LAMA1: variants seen among roughly 807,000 people sequenced by gnomAD.
LAMA1 encodes the protein laminin subunit alpha 1, also known as laminin subunit alpha-1.
LAMA1 carries 219 observed loss-of-function variants against 348.7 expected under a neutral mutation model. That is an observed-to-expected ratio of 0.63 (90% CI 0.56 to 0.70). The LOEUF (loss-of-function observed/expected upper bound fraction) is 0.70. Ranked by LOEUF, LAMA1 falls within the 30% of genes least tolerant of loss-of-function variation. LAMA1 has a pLI of 0.00. For synonymous variants in LAMA1, 1,487 were observed against 1,491.0 expected, an observed-to-expected ratio of 1.00 and a Z score of 0.06; for missense variants, 3,744 against 3,888.0, an observed-to-expected ratio of 0.96 and a Z score of 0.99.
chr18:7,099,312 C>T (rs983546808), intron 1 of LAMA1, among the ~76,000 whole-genome samples: 14 of 150,912 alleles, frequency 9.3e-5, no homozygotes, highest in African/African-American at 3.4e-4. Flanking sequence ...TCTCAAGTAC[C>T]CAGGGACACA....
chr18:6,943,216 C>A lies in LAMA1; in HGVS notation c.9031G>T (p.Asp3011Tyr), dbSNP rs761190244. The A allele has an allele frequency of 7.4e-6, 12 of 1,614,074 alleles. No homozygotes were observed. Among genetic ancestry groups the A allele is most frequent in the Non-Finnish European group, 1.0e-5 (12 of 1,180,044 alleles). ...ESPHTQSTSV[D>Y]TNNPIYVGGY... ...CCAACATAAATGGGATTGTTGGTGT[C>A]CACTGAGGTAGACTGGGTGTGTGGA... Residue 3011 changes from aspartate to tyrosine, a missense_variant, in exon 62 of 63, where the codon GAC becomes TAC. By Grantham distance (160) the Asp-to-Tyr change is radical. Around this residue, in one of 3 missense-constraint regions of LAMA1, gnomAD observed 232 missense variants for 264.4 expected, o/e 0.88. Transcript: ENST00000389658.
In LAMA1 at chr18:7,049,136, T is replaced by C; in HGVS notation, c.710A>G (p.Asp237Gly). The change falls in exon 5 of 63, where the codon GAT (aspartate) becomes GGT (glycine). Residue 237 changes from aspartate (D) to glycine (G), a missense_variant. This residue lies in a region of LAMA1 where 1,529 missense variants were observed against 1,689.4 expected (regional missense o/e 0.91). Transcript: ENST00000389658. ...TTCCCGGTGGCTAAGGGTCATGAGA[T>C]CTGCATTGAGCGTTCTAATGCGTTG... The part of the protein sequence containing the change: ...RLQRIRTLNA[D>G]LMTLSHREPK... 1 of 1,614,126 alleles carries C rather than the reference T, an allele frequency of 6.2e-7. No homozygotes were observed. The highest frequency in any genetic ancestry group is 8.5e-7 in the Non-Finnish European group (1 of 1,180,006).
At position 6,960,201 on chromosome 18, in the gene LAMA1, C is replaced by T. The variant is rs149384675; in HGVS notation, c.7627-709G>A. On this transcript the variant is annotated intron_variant, in intron 53 of 62. Coordinates refer to ENST00000389658, the MANE Select transcript of LAMA1 (RefSeq NM_005559.4). Reference sequence around the variant, plus strand: ...CCCAGAAGAACTGAAGACAGGGACTCAAACAAATACTTATCCACATATGTT... The same window carrying T: ...CCCAGAAGAACTGAAGACAGGGACTTAAACAAATACTTATCCACATATGTT... The T allele has an allele frequency of 2.9e-4, 46 of 156,022 alleles. 1 individual carries two copies. In the East Asian group the frequency reaches 8.6e-3, roughly 29 times the overall value. The allele number at this position is 156,022 out of a possible 1,614,324, so 9.7% of individuals were successfully genotyped here.
At chr18:7,079,691 C>T (rs1250813577) in intron 3 of LAMA1, 6 of 459,896 alleles carry the variant, frequency 1.3e-5, no homozygotes, top group Non-Finnish European at 2.4e-5. Flanking sequence ...AACAGCCTGA[C>T]ATGATACCCT....
intron 61 of LAMA1, 61 bp from the exon 62 acceptor site, chr18:6,943,463 G>A: frequency 7.6e-7 from 1 of 1,317,718 alleles, no homozygotes; most frequent in Non-Finnish European, 1.1e-6. Context: ...ATTTGTATAA[G>A]CTCTTGGAGT....
Position 6,977,749 on chromosome 18 carries a change from TG to T in LAMA1, c.6322del (p.Gln2108ArgfsTer35). On this transcript the variant is annotated frameshift_variant, in exon 44 of 63. Transcript: ENST00000389658. LOFTEE classifies it high-confidence loss of function. ...NLSEIKLLIS[Q>X]ARKQAASIKV... ...CACAGAAGCTGCTTGTTTGCGGGCC[TG>T]GCTGATCAACAGTTTAATTTCTGAT... 6.2e-7 allele frequency: 1 copy of T among 1,614,196 alleles called. No individual in the cohort carries two copies. Among genetic ancestry groups the T allele is most frequent in the Non-Finnish European group, 8.5e-7 (1 of 1,180,016 alleles).
intron 16 of LAMA1, among the ~76,000 whole-genome samples, chr18:7,031,736 T>C (rs1200496903): frequency 2.7e-5 from 4 of 147,554 alleles, no homozygotes; most frequent in African/African-American, 1.1e-4. Context: ...ATGCTTTGTA[T>C]TTAATAAGTA....
intron 53 of LAMA1, chr18:6,960,841 A>G (rs1438915435): frequency 6.6e-6 from 1 of 152,356 alleles, no homozygotes; most frequent in Non-Finnish European, 1.5e-5. Flanking sequence ...AGGCTCTCTC[A>G]GCACATTTCT....
In LAMA1 at chr18:7,117,765, G is replaced by T. The variant is rs1262776132; in HGVS notation, c.-45C>A. 1 of 1,555,958 alleles carries T rather than the reference G, an allele frequency of 6.4e-7. No individual in the cohort carries two copies. The highest frequency in any genetic ancestry group is 1.8e-5 in the Admixed American group (1 of 56,608). On this transcript the variant is annotated 5_prime_UTR_variant, in exon 1 of 63. Transcript: ENST00000389658. ...GGTGGGTCTGGGGAGAAAGCCGCGCGCCCGCCTGGAACGCTCCACGGGACG... is the reference window on the plus strand; with the variant it reads ...GGTGGGTCTGGGGAGAAAGCCGCGCTCCCGCCTGGAACGCTCCACGGGACG...
rs1448018239 is a variant in LAMA1 at position 7,117,766 on chromosome 18, C to G, written c.-46G>C. On this transcript the variant is annotated 5_prime_UTR_variant, in exon 1 of 63. Coordinates refer to ENST00000389658, the MANE Select transcript of LAMA1 (RefSeq NM_005559.4). ...GTGGGTCTGGGGAGAAAGCCGCGCG[C>G]CCGCCTGGAACGCTCCACGGGACGC... The G allele has an allele frequency of 6.4e-7, 1 of 1,558,742 alleles. No homozygotes were observed. Among genetic ancestry groups the G allele is most frequent in the Non-Finnish European group, 8.7e-7 (1 of 1,152,998 alleles).
chr18:6,979,635 C>T (rs1475324470), intron 42 of LAMA1, among the ~76,000 whole-genome samples: 1 of 152,160 alleles, frequency 6.6e-6, no homozygotes, highest in Non-Finnish European at 1.5e-5. Context: ...CGCGGTGGCT[C>T]ACGCCTGTAA....
intron 22 of LAMA1, 149 bp downstream of exon 22, chr18:7,015,573 C>T: frequency 3.1e-6 from 3 of 968,926 alleles, no homozygotes; most frequent in Non-Finnish European, 4.7e-6. Flanking sequence ...AGCCACTGTG[C>T]CTGGCCCACA....
intron 19 of LAMA1, among the ~76,000 whole-genome samples, chr18:7,018,546 C>A (rs1424042618): frequency 6.6e-6 from 1 of 151,278 alleles, no homozygotes; most frequent in Non-Finnish European, 1.5e-5. Context: ...CAGGCGCCTG[C>A]CACCACGCCT....
At chr18:7,032,542 C>A (rs1020777089) in intron 15 of LAMA1, among the ~76,000 whole-genome samples, 1 of 152,170 alleles carries the variant, frequency 6.6e-6, no homozygotes, top group Non-Finnish European at 1.5e-5. Flanking sequence ...GGATTCCAAG[C>A]GCATTTTCAT....
chr18:6,964,598 C>T, intron 51 of LAMA1, 64 bp downstream of exon 51: 1 of 1,590,006 alleles, frequency 6.3e-7, no homozygotes, highest in Non-Finnish European at 8.6e-7. Context: ...ACAGTCCATT[C>T]TCAGCCCTAG....
intron 12 of LAMA1, 41 bp from the exon 13 acceptor site, chr18:7,036,129 A>G (rs896233740): frequency 2.9e-6 from 4 of 1,379,954 alleles, no homozygotes; most frequent in Non-Finnish European, 4.1e-6. Context: ...AGGGGAAGAC[A>G]ATCACAGCAA....
chr18:7,049,731 A>G (rs1269837457), intron 4 of LAMA1, among the ~76,000 whole-genome samples: 1 of 152,240 alleles, frequency 6.6e-6, no homozygotes, highest in African/African-American at 2.4e-5. Flanking sequence ...ACATTTGTTA[A>G]TTACTTGTGA....
At chr18:7,026,813 C>G (rs1358288871) in intron 16 of LAMA1, among the ~76,000 whole-genome samples, 1 of 152,018 alleles carries the variant, frequency 6.6e-6, no homozygotes, top group Non-Finnish European at 1.5e-5. Context: ...CTGGCTAACA[C>G]GGTGAAACCC....
chr18:7,002,603 CCAAGAAATTACTAGTA>C, intron 29 of LAMA1, among the ~76,000 whole-genome samples: 1 of 152,238 alleles, frequency 6.6e-6, no homozygotes, highest in East Asian at 1.9e-4. Flanking sequence ...TCCACTACAG[CCAAGAAATTACTAGTA>C]CATTCTTCTT....
Sources: gnomAD v4.1 joint callset for allele counts (sites outside exome capture counted in the v4.1 genomes callset) on GRCh38, gnomAD v4.1.1 for gene constraint, gnomAD v4.1.1 regional missense constraint, MANE v1.5 for transcripts, NCBI Gene and HGNC (gene_info 2026-07-23, HGNC 2026-07-21) for gene names.